Variants in CEACAM16 observed in about 807,000 individuals in gnomAD.
CEACAM16 encodes the protein CEA cell adhesion molecule 16, tectorial membrane component.
A neutral mutation model predicts 39.4 loss-of-function variants in CEACAM16; 30 were observed. That is an observed-to-expected ratio of 0.76 (90% CI 0.57 to 1.03). CEACAM16 has a LOEUF of 1.03. CEACAM16 is among the 50% of genes least tolerant of loss of function. The pLI, the probability that CEACAM16 is intolerant of heterozygous loss-of-function variation, is 0.00. For synonymous variants in CEACAM16, 262 were observed against 264.9 expected (o/e 0.99, Z 0.11); for missense variants, 521 against 585.3 (o/e 0.89, Z 1.13).
chr19:44,705,689 C>A lies in CEACAM16; in HGVS notation c.761C>A (p.Ser254Tyr). The change falls in exon 5 of 7, where the codon TCC becomes TAC. Residue 254 changes from serine to tyrosine, a missense_variant. Transcript: ENST00000587331. ...ACGTCCCTCACCCTGTGGTGCGTGT[C>A]CAGGTCCTGCCCAGAGCCCGAGTAT... is the stretch of plus-strand genomic sequence containing the variant. ...FNTSLTLWCV[S>Y]RSCPEPEYVW... 6.2e-7 allele frequency: 1 copy of A among 1,613,966 alleles called. No homozygotes were observed. The highest frequency in any genetic ancestry group is 8.5e-7 in the Non-Finnish European group (1 of 1,179,854).
At chr19:44,702,420 A>T (rs964064763) in intron 2 of CEACAM16, among the ~76,000 whole-genome samples, 3 of 152,240 alleles carry the variant, frequency 2.0e-5, no homozygotes, top group African/African-American at 7.2e-5. Context: ...GAGTGGCAGG[A>T]CTGAGGGCTA....
At chr19:44,699,459 T>C in intron 1 of CEACAM16, 199 bp downstream of exon 1, 1 of 466,996 alleles carries the variant, frequency 2.1e-6, no homozygotes, top group Non-Finnish European at 4.4e-6. Flanking sequence ...GGAGTTTCAC[T>C]CTTTTGCCCA....
At position 44,701,217 on chromosome 19, in the gene CEACAM16, C is replaced by T. The variant is rs1022538477; in HGVS notation, c.-96-144C>T. On this transcript the variant is annotated intron_variant, in intron 1 of 6. Coordinates refer to ENST00000587331, the MANE Select transcript of CEACAM16 (RefSeq NM_001039213.4). The surrounding 1 kb of genome is among the most constrained non-coding windows in gnomAD (Gnocchi z 4.0). ...GCACAAAGAGGGTTAGGCGGCTGCC[C>T]CAGGAGGCCTGCCCAGGTCACGGCC... The T allele has an allele frequency of 2.5e-5, 15 of 607,972 alleles. No individual in the cohort carries two copies. The South Asian group carries it at 2.9e-4, about 12-fold the overall frequency. The allele number at this position is 607,972 out of a possible 1,614,324, so 37.7% of individuals were successfully genotyped here. A position where few individuals can be genotyped will look rare whatever the true frequency, so the allele number is the denominator to read the frequency against.
chr19:44,708,289 T>C (rs900683485), intron 6 of CEACAM16, 102 bp downstream of exon 6: 1 of 1,172,566 alleles, frequency 8.5e-7, no homozygotes, highest in Non-Finnish European at 1.2e-6. Context: ...AGACCAAAGA[T>C]GGATACCCAT....
chr19:44,703,758 C>CA, intron 3 of CEACAM16, 65 bp downstream of exon 3: 2 of 1,200,272 alleles, frequency 1.7e-6, no homozygotes, highest in Non-Finnish European at 1.1e-6. Flanking sequence ...CTCAATCCTT[C>CA]TTTTTTTTAA....
At position 44,708,141 on chromosome 19, in the gene CEACAM16, A is replaced by G. The variant is rs377372333; in HGVS notation, c.1221A>G (p.Thr407=). The change falls in exon 6 of 7, where the codon ACA becomes ACG. Residue 407 remains threonine, a synonymous_variant. Transcript: ENST00000587331. ...GCCGCTACACACTCAAGACTGTCAC[A>G]GTGCAGGGCAAGACTGAGACACTGG... ...DTGRYTLKTV[T]VQGKTETLEV... The G allele has an allele frequency of 2.5e-6, 4 of 1,602,928 alleles. No individual in the cohort carries two copies. Among genetic ancestry groups the G allele is most frequent in the African/African-American group, 2.7e-5 (2 of 74,710 alleles).
chr19:44,702,721 G>A (rs1381030863), intron 2 of CEACAM16, among the ~76,000 whole-genome samples: 1 of 152,268 alleles, frequency 6.6e-6, no homozygotes, highest in African/African-American at 2.4e-5. Context: ...AGGACCCAGG[G>A]GGCAGGCCCT....
Position 44,705,585 on chromosome 19 carries a change from C to G in CEACAM16, c.662-5C>G. On this transcript the variant is annotated splice_polypyrimidine_tract_variant and splice_region_variant and intron_variant, in intron 4 of 6. Coordinates refer to ENST00000587331, the MANE Select transcript of CEACAM16 (RefSeq NM_001039213.4). ...GCCCCATCTATCTCCCTCCTGCCCC[C>G]ACAGTTGGCCCAGAGCGTGTGGCCA... is the stretch of plus-strand genomic sequence containing the variant. 1 of 1,589,778 alleles carries G rather than the reference C, an allele frequency of 6.3e-7. No individual in the cohort carries two copies. Among genetic ancestry groups the G allele is most frequent in the Non-Finnish European group, 8.6e-7 (1 of 1,162,846 alleles).
intron 6 of CEACAM16, among the ~76,000 whole-genome samples, chr19:44,710,126 A>G (rs1974514933): frequency 6.6e-6 from 1 of 152,184 alleles, no homozygotes; most frequent in Admixed American, 6.5e-5. Flanking sequence ...TGCCTCCCCT[A>G]TCACTGGAAA....
chr19:44,709,172 G>A (rs1228960393), intron 6 of CEACAM16, among the ~76,000 whole-genome samples: 5 of 152,010 alleles, frequency 3.3e-5, no homozygotes, highest in Non-Finnish European at 5.9e-5. Flanking sequence ...AGCTCCCAGA[G>A]GCATGGTCCA....
chr19:44,703,740 A>G (rs773867467), intron 3 of CEACAM16, 47 bp downstream of exon 3: 16 of 1,312,930 alleles, frequency 1.2e-5, no homozygotes, highest in African/African-American at 1.2e-4. Flanking sequence ...GGGCCTTCCC[A>G]TCTCCTTCTC....
rs143656680 is a variant in CEACAM16 at position 44,710,398 on chromosome 19, G to A, written c.1268-98G>A. On this transcript the variant is annotated intron_variant, in intron 6 of 6. Coordinates refer to ENST00000587331, the MANE Select transcript of CEACAM16 (RefSeq NM_001039213.4). ...GGTGGATTGGGCCACTGGGTGGCCCGGGGTGGGCAGGGGAGCAGAAGGGGT... is the reference window on the plus strand; with the variant it reads ...GGTGGATTGGGCCACTGGGTGGCCCAGGGTGGGCAGGGGAGCAGAAGGGGT... The A allele has an allele frequency of 3.0e-4, 415 of 1,378,302 alleles. No individual in the cohort carries two copies. The African/African-American group carries it at 4.5e-3, about 15-fold the overall frequency. 85.4% of individuals were successfully genotyped at this position (1,378,302 alleles called of 1,614,324 possible).
rs367695083 is a variant in CEACAM16 at position 44,705,501 on chromosome 19, A to T, written c.662-89A>T. The T allele has an allele frequency of 1.6e-4, 216 of 1,369,104 alleles. No homozygotes were observed. The African/African-American group carries it at 2.9e-3, about 19-fold the overall frequency. 84.8% of individuals were successfully genotyped at this position (1,369,104 alleles called of 1,614,324 possible). On this transcript the variant is annotated intron_variant, in intron 4 of 6. Coordinates refer to ENST00000587331, the MANE Select transcript of CEACAM16 (RefSeq NM_001039213.4). ...CCACTAGGCCAAGATATTCCCAGGG[A>T]CCTAGCTTGGTGGAGAGAAAACCAG...
chr19:44,701,791 G>A lies in CEACAM16; in HGVS notation c.37+298G>A, dbSNP rs1041932290. Among the ~76,000 whole-genome samples, 2 of 152,192 alleles carry A rather than the reference G, an allele frequency of 1.3e-5. No homozygotes were observed. The highest frequency in any genetic ancestry group is 2.9e-5 in the Non-Finnish European group (2 of 68,042). On this transcript the variant is annotated intron_variant, in intron 2 of 6. Coordinates refer to ENST00000587331, the MANE Select transcript of CEACAM16 (RefSeq NM_001039213.4). This position sits in a 1 kb window ranked among gnomAD's most constrained non-coding sequence, Gnocchi z 4.0. ...ATTCCTGCAGGTTTCTGTTTTATCA[G>A]CTATGGAAGCCTTGATGAGGCTAAA...
At position 44,707,983 on chromosome 19, in the gene CEACAM16, G is replaced by A. The variant is rs372801077; in HGVS notation, c.1063G>A (p.Ala355Thr). The change falls in exon 6 of 7, where the codon GCC becomes ACC. Residue 355 changes from alanine to threonine, a missense_variant. Ala to Thr is a moderately conservative substitution (Grantham distance 58). Transcript: ENST00000587331. ...LLVYAWYRGP[A>T]SEPNRLLSQL... is the part of the protein sequence containing the mutation. ...GGTCTACGCCTGGTACCGCGGGCCT[G>A]CCTCCGAGCCCAACCGGCTGCTCAG... is the stretch of plus-strand genomic sequence containing the variant. 7.5e-6 allele frequency: 12 copies of A among 1,605,772 alleles called. No homozygotes were observed. Among genetic ancestry groups the A allele is most frequent in the Admixed American group, 3.4e-5 (2 of 59,138 alleles).
At chr19:44,700,743 G>A (rs1025830623) in intron 1 of CEACAM16, among the ~76,000 whole-genome samples, 4 of 152,196 alleles carry the variant, frequency 2.6e-5, no homozygotes, top group Non-Finnish European at 5.9e-5. Context: ...CTCCGAAGTG[G>A]GAGAAAGAGA....
chr19:44,707,653 C>A (rs1295405008), intron 5 of CEACAM16, among the ~76,000 whole-genome samples: 1 of 152,176 alleles, frequency 6.6e-6, no homozygotes, highest in Non-Finnish European at 1.5e-5. Context: ...AATTTGTAGT[C>A]TGATAGGGGA....
intron 6 of CEACAM16, among the ~76,000 whole-genome samples, chr19:44,709,030 A>T (rs1974494412): frequency 6.6e-6 from 1 of 152,096 alleles, no homozygotes; most frequent in Non-Finnish European, 1.5e-5. Context: ...CCTCCATCAG[A>T]CTAGGAGCTC....
Position 44,701,437 on chromosome 19 carries a change from G to T in CEACAM16, c.-20G>T. The T allele has an allele frequency of 6.4e-7, 1 of 1,559,672 alleles. No individual in the cohort carries two copies. On this transcript the variant is annotated 5_prime_UTR_variant, in exon 2 of 7. Transcript: ENST00000587331. The surrounding 1 kb of genome is among the most constrained non-coding windows in gnomAD (Gnocchi z 4.0). ...GGGACTTCAACGCCACCATCTCCAA[G>T]ACTCGGTTTGGGGTGAAAGATGGCG...
Sources: allele counts gnomAD v4.1 joint callset (sites outside exome capture counted in the v4.1 genomes callset), GRCh38; gene constraint gnomAD v4.1.1; non-coding constraint Gnocchi (gnomAD v3.1); transcripts MANE v1.5; gene names NCBI Gene and HGNC (gene_info 2026-07-23, HGNC 2026-07-21).